SEPTIN7: variants seen among roughly 807,000 people sequenced by gnomAD.
SEPTIN7 encodes the protein septin-7.
In SEPTIN7, 10 loss-of-function variants were observed where a neutral mutation model predicts 63.3. That is an observed-to-expected ratio of 0.16 (90% CI 0.10 to 0.27). The LOEUF is 0.27. SEPTIN7 is among the 10% of genes least tolerant of loss of function. SEPTIN7 has a pLI of 1.00. For synonymous variants in SEPTIN7, 131 were observed against 165.3 expected (o/e 0.79, Z 1.59); for missense variants, 310 against 521.0 (o/e 0.59, Z 3.94).
Position 35,906,855 on chromosome 7 carries a change from A to G in SEPTIN7, c.*2562A>G, listed in dbSNP as rs904492216. On this transcript the variant is annotated 3_prime_UTR_variant, in exon 14 of 14. Transcript: ENST00000350320. ...AGAAACTAGGAGTAGAAGTCAGGAT[A>G]TGGTAGGTAAGGGGGAAAAAGGAAA... The G allele has an allele frequency of 2.6e-5, 4 of 152,218 alleles. No individual in the cohort carries two copies. Among genetic ancestry groups the G allele is most frequent in the African/African-American group, 9.6e-5 (4 of 41,458 alleles). The allele number at this position is 152,218 out of a possible 1,614,324, so 9.4% of individuals were successfully genotyped here. A position where few individuals can be genotyped will look rare whatever the true frequency, so the allele number is the denominator to read the frequency against.
intron 1 of SEPTIN7, among the ~76,000 whole-genome samples, chr7:35,805,223 A>G (rs1788255633): frequency 2.0e-5 from 3 of 152,206 alleles, no homozygotes; most frequent in East Asian, 1.9e-4. Flanking sequence ...GATGTGCTGT[A>G]CTATGAACTT....
At chr7:35,915,094 C>T in the SEPTIN7 span, among the ~76,000 whole-genome samples, 36 of 138,932 alleles carry the variant, frequency 2.6e-4, no homozygotes, top group African/African-American at 4.8e-4. Context: ...TGTATATATG[C>T]GTATGTACAC....
intron 11 of SEPTIN7, among the ~76,000 whole-genome samples, chr7:35,894,863 G>T (rs934678420): frequency 3.3e-5 from 5 of 152,146 alleles, no homozygotes; most frequent in Admixed American, 3.3e-4. Flanking sequence ...CAGCAAAGTA[G>T]AACTTGACTA....
intron 1 of SEPTIN7, among the ~76,000 whole-genome samples, chr7:35,830,188 A>G (rs920522267): frequency 6.6e-6 from 1 of 152,154 alleles, no homozygotes; most frequent in African/African-American, 2.4e-5. Flanking sequence ...GTCTCAAAAA[A>G]AAAAAAACTA....
intron 1 of SEPTIN7, among the ~76,000 whole-genome samples, chr7:35,828,014 A>G (rs1271427485): frequency 6.6e-6 from 1 of 152,224 alleles, no homozygotes; most frequent in African/African-American, 2.4e-5. Context: ...TGCTAAGAAC[A>G]TAGAGATGAA....
At chr7:35,836,641 T>C (rs1160315838) in intron 3 of SEPTIN7, among the ~76,000 whole-genome samples, 1 of 152,150 alleles carries the variant, frequency 6.6e-6, no homozygotes, top group African/African-American at 2.4e-5. Context: ...GTATATGCCT[T>C]ATCAGAGAAA....
intron 1 of SEPTIN7, among the ~76,000 whole-genome samples, chr7:35,829,102 T>C (rs1240164707): frequency 2.0e-5 from 3 of 150,416 alleles, no homozygotes; most frequent in Non-Finnish European, 3.0e-5. Context: ...GTCCACTACT[T>C]CACTTCATTA....
chr7:35,862,223 C>T (rs1338738530), intron 3 of SEPTIN7, among the ~76,000 whole-genome samples: 1 of 152,036 alleles, frequency 6.6e-6, no homozygotes, highest in Admixed American at 6.6e-5. Flanking sequence ...TTTCAGACTT[C>T]TATTTTTCTT....
At chr7:35,914,887 T>C in the SEPTIN7 span, among the ~76,000 whole-genome samples, 2 of 152,042 alleles carry the variant, frequency 1.3e-5, no homozygotes, top group East Asian at 3.8e-4. Flanking sequence ...CATAGATATG[T>C]ATGTGCACGT....
At chr7:35,845,136 G>A (rs1207612730) in intron 3 of SEPTIN7, among the ~76,000 whole-genome samples, 1 of 152,094 alleles carries the variant, frequency 6.6e-6, no homozygotes, top group Admixed American at 6.5e-5. Context: ...TGGTGGTAGA[G>A]TGGAGATACT....
At chr7:35,903,439 A>G (rs556157226) in intron 13 of SEPTIN7, among the ~76,000 whole-genome samples, 1 of 152,280 alleles carries the variant, frequency 6.6e-6, no homozygotes, top group Admixed American at 6.5e-5. Context: ...AATATTCATA[A>G]TTATGATTTA....
intron 3 of SEPTIN7, among the ~76,000 whole-genome samples, chr7:35,836,623 T>G (rs1332430195): frequency 6.6e-6 from 1 of 152,182 alleles, no homozygotes; most frequent in Non-Finnish European, 1.5e-5. Flanking sequence ...TATCCTAATT[T>G]TTTTTTGGTA....
At chr7:35,819,206 C>T (rs1176352453) in intron 1 of SEPTIN7, among the ~76,000 whole-genome samples, 4 of 151,928 alleles carry the variant, frequency 2.6e-5, no homozygotes, top group African/African-American at 9.7e-5. Context: ...AGTTTTTGAC[C>T]CATTGATTAT....
intron 5 of SEPTIN7, 28 bp from the exon 6 acceptor site, chr7:35,873,613 G>A (rs367808963): frequency 6.3e-7 from 1 of 1,592,894 alleles, no homozygotes; most frequent in Non-Finnish European, 8.6e-7. Flanking sequence ...TAGAATTGCA[G>A]CTTGTTTTGT....
intron 3 of SEPTIN7, among the ~76,000 whole-genome samples, chr7:35,852,538 A>G (rs1263718348): frequency 6.6e-6 from 1 of 152,196 alleles, no homozygotes; most frequent in African/African-American, 2.4e-5. Flanking sequence ...GAATAATAGT[A>G]TTACCAAACT....
chr7:35,830,180 C>A (rs1783761302), intron 1 of SEPTIN7, among the ~76,000 whole-genome samples: 1 of 148,398 alleles, frequency 6.7e-6, no homozygotes, highest in Non-Finnish European at 1.5e-5. Context: ...GAAATTCTGT[C>A]TCAAAAAAAA....
intron 1 of SEPTIN7, among the ~76,000 whole-genome samples, chr7:35,815,680 C>T (rs1193979004): frequency 6.6e-6 from 1 of 152,146 alleles, no homozygotes; most frequent in Non-Finnish European, 1.5e-5. Flanking sequence ...TATGCTAATA[C>T]CTTATGCTAA....
intron 4 of SEPTIN7, among the ~76,000 whole-genome samples, chr7:35,870,293 A>T (rs190696894): frequency 6.6e-5 from 10 of 152,312 alleles, no homozygotes; most frequent in East Asian, 3.9e-4. Context: ...GATTTTTTTT[A>T]AAAAACAGGG....
chr7:35,849,012 G>T (rs1396803049), intron 3 of SEPTIN7, among the ~76,000 whole-genome samples: 1 of 152,180 alleles, frequency 6.6e-6, no homozygotes, highest in Admixed American at 6.5e-5. Flanking sequence ...CAGCAGAATT[G>T]TTAGTTCTTA....
Sources: gnomAD v4.1 joint callset for allele counts (sites outside exome capture counted in the v4.1 genomes callset) on GRCh38, gnomAD v4.1.1 for gene constraint, MANE v1.5 for transcripts, NCBI Gene and HGNC (gene_info 2026-07-23, HGNC 2026-07-21) for gene names.